The following ZMYND8 variants were observed in gnomAD, a reference collection of about 807,000 sequenced individuals.
ZMYND8 encodes MYND-type zinc finger-containing chromatin reader ZMYND8.
A neutral mutation model predicts 140.8 loss-of-function variants in ZMYND8; 37 were observed. The observed-to-expected ratio is 0.26, with a 90% confidence interval of 0.20 to 0.35. The LOEUF is 0.35. Ranked by LOEUF, ZMYND8 falls within the 10% of genes least tolerant of loss-of-function variation. ZMYND8 has a pLI of 1.00. For missense variants in ZMYND8, 1,068 were observed against 1,570.0 expected (o/e 0.68, Z 5.40); for synonymous variants, 592 against 597.1 (o/e 0.99, Z 0.12).
chr20:47,341,146 G>C (rs2081842555), intron 2 of ZMYND8, among the ~76,000 whole-genome samples: 1 of 152,192 alleles, frequency 6.6e-6, no homozygotes, highest in Non-Finnish European at 1.5e-5. Context: ...GGTCAAACGA[G>C]AGAATGAACT....
At position 47,221,493 on chromosome 20, in the gene ZMYND8, G is replaced by A. The variant is rs2036932325; in HGVS notation, c.3257-19C>T. 2.5e-6 allele frequency: 4 copies of A among 1,612,402 alleles called. No individual in the cohort carries two copies. Among genetic ancestry groups the A allele is most frequent in the Non-Finnish European group, 3.4e-6 (4 of 1,179,558 alleles). On this transcript the variant is annotated intron_variant, in intron 19 of 22. Coordinates refer to ENST00000471951, the MANE Select transcript of ZMYND8 (RefSeq NM_001281775.3). ...GCAGTAGCTGGGGACAAAGGAGAGA[G>A]AGAGACGCCACATATACACAGAGTA...
chr20:47,349,823 G>C lies in ZMYND8; in HGVS notation c.15-1897C>G, dbSNP rs1375687236. The C allele has an allele frequency of 2.6e-6, 4 of 1,532,508 alleles. No individual in the cohort carries two copies. In the South Asian group the frequency reaches 4.8e-5, roughly 18 times the overall value. 94.9% of individuals were successfully genotyped at this position (1,532,508 alleles called of 1,614,324 possible). On this transcript the variant is annotated intron_variant, in intron 1 of 22. Coordinates refer to ENST00000471951, the MANE Select transcript of ZMYND8 (RefSeq NM_001281775.3). ...TCCAACTGAAATCTACAGTGGTGAG[G>C]GAAACAATTATGCAGAACTGAGCCA...
At chr20:47,332,808 T>C (rs944556677) in intron 2 of ZMYND8, among the ~76,000 whole-genome samples, 1 of 152,294 alleles carries the variant, frequency 6.6e-6, no homozygotes, top group East Asian at 1.9e-4. Context: ...CCTAAATCTA[T>C]ACCCAAGAGA....
intron 4 of ZMYND8, among the ~76,000 whole-genome samples, chr20:47,296,263 C>A (rs544725367): frequency 1.3e-5 from 2 of 152,290 alleles, no homozygotes; most frequent in South Asian, 2.1e-4. Context: ...TCTCACCCCC[C>A]ACTCCTTCTT....
rs1008294312 is a variant in ZMYND8 at position 47,276,442 on chromosome 20, C to A, written c.1352G>T (p.Arg451Leu). 1 of 1,614,132 alleles carries A rather than the reference C, an allele frequency of 6.2e-7. No individual in the cohort carries two copies. The highest frequency in any genetic ancestry group is 8.5e-7 in the Non-Finnish European group (1 of 1,180,008). The change falls in exon 11 of 23, where the codon CGC becomes CTC. Residue 451 changes from arginine to leucine, a missense_variant. Around this residue, in one of 10 missense-constraint regions of ZMYND8, gnomAD observed 173 missense variants for 223.3 expected, o/e 0.77. Coordinates refer to ENST00000471951, the MANE Select transcript of ZMYND8 (RefSeq NM_001281775.3). ...AGAAGAGTTTGTGCTCATGGGGGAG[C>A]GCGGCATATCCGACAAGGAAATCCG... is the stretch of plus-strand genomic sequence containing the variant. ...GRRISLSDMP[R>L]SPMSTNSSVH... is the part of the protein sequence containing the mutation.
chr20:47,224,309 G>T lies in ZMYND8; in HGVS notation c.3256+8C>A, dbSNP rs572946200. 6.2e-7 allele frequency: 1 copy of T among 1,614,012 alleles called. No homozygotes were observed. Reference sequence around the variant, plus strand: ...CCCAGGACGGGAGGCAGCCCCACAGGGCATTACCTGACTGGGTGCAGGACT... The same window carrying T: ...CCCAGGACGGGAGGCAGCCCCACAGTGCATTACCTGACTGGGTGCAGGACT... On this transcript the variant is annotated splice_region_variant and intron_variant, in intron 19 of 22. Coordinates refer to ENST00000471951, the MANE Select transcript of ZMYND8 (RefSeq NM_001281775.3).
intron 1 of ZMYND8, chr20:47,352,383 G>A: frequency 1.1e-6 from 1 of 907,752 alleles, no homozygotes; most frequent in South Asian, 5.1e-5. Context: ...CTCTGAAGCA[G>A]CCAGTCCTAA....
intron 11 of ZMYND8, among the ~76,000 whole-genome samples, chr20:47,267,656 G>T (rs539335933): frequency 8.5e-5 from 13 of 152,230 alleles, no homozygotes; most frequent in African/African-American, 1.2e-4. Flanking sequence ...TGAAATGAGG[G>T]CATATTGCTC....
intron 6 of ZMYND8, 46 bp from the exon 7 acceptor site, chr20:47,290,320 G>C (rs1308854488): frequency 6.4e-7 from 1 of 1,553,462 alleles, no homozygotes; most frequent in East Asian, 2.3e-5. Flanking sequence ...GTCTAGACAA[G>C]CCACAGTCAG....
intron 22 of ZMYND8, 103 bp from the exon 23 acceptor site, chr20:47,211,000 C>T: frequency 6.7e-7 from 1 of 1,491,326 alleles, no homozygotes; most frequent in Non-Finnish European, 9.1e-7. Flanking sequence ...ACCACCTTCC[C>T]CTCCCAATTG....
At chr20:47,216,486 ACT>A (rs1290297932) in intron 21 of ZMYND8, among the ~76,000 whole-genome samples, 2 of 100,490 alleles carry the variant, frequency 2.0e-5, no homozygotes, top group Non-Finnish European at 3.7e-5. Flanking sequence ...CAGAGCGAAG[ACT>A]CTGTCTCAAA....
At chr20:47,245,034 G>A (rs2040396019) in intron 14 of ZMYND8, among the ~76,000 whole-genome samples, 1 of 152,054 alleles carries the variant, frequency 6.6e-6, no homozygotes, top group African/African-American at 2.4e-5. Context: ...TCCAGCCTGG[G>A]CGACAAGAGC....
At chr20:47,319,796 A>G (rs2079757795) in intron 2 of ZMYND8, 1 of 152,268 alleles carries the variant, frequency 6.6e-6, no homozygotes, top group Non-Finnish European at 1.5e-5. Context: ...AAGAATGCCA[A>G]GTTCTTTCCA....
chr20:47,236,548 G>A (rs374871513), intron 15 of ZMYND8, 32 bp from the exon 16 acceptor site: 67 of 1,522,846 alleles, frequency 4.4e-5, no homozygotes, highest in African/African-American at 3.5e-4. Context: ...ATTACCCCAC[G>A]TGGGAAGGAC....
chr20:47,277,009 G>A (rs948032916), intron 10 of ZMYND8, among the ~76,000 whole-genome samples: 2 of 151,346 alleles, frequency 1.3e-5, no homozygotes, highest in African/African-American at 2.4e-5. Context: ...AAACTTCGGC[G>A]AAAACATTTA....
At chr20:47,233,552 T>A (rs2038830183) in intron 16 of ZMYND8, among the ~76,000 whole-genome samples, 1 of 152,144 alleles carries the variant, frequency 6.6e-6, no homozygotes, top group South Asian at 2.1e-4. Context: ...GTGGCAACAG[T>A]TTGTGGACCA....
At chr20:47,321,850 G>A (rs1420983780) in intron 2 of ZMYND8, among the ~76,000 whole-genome samples, 5 of 147,640 alleles carry the variant, frequency 3.4e-5, no homozygotes, top group African/African-American at 5.1e-5. Flanking sequence ...TTTAAAACTC[G>A]CCGCCCTTTT....
intron 11 of ZMYND8, among the ~76,000 whole-genome samples, chr20:47,267,716 A>G (rs2075635927): frequency 6.6e-6 from 1 of 152,102 alleles, no homozygotes; most frequent in South Asian, 2.1e-4. Flanking sequence ...ATAAAATCCA[A>G]CGTCCTCTCC....
At chr20:47,252,905 C>A (rs1184647443) in intron 12 of ZMYND8, among the ~76,000 whole-genome samples, 1 of 151,960 alleles carries the variant, frequency 6.6e-6, no homozygotes, top group Non-Finnish European at 1.5e-5. Context: ...GGCAAAAGAG[C>A]CAGACCTTAT....
Sources: gnomAD v4.1 joint callset for allele counts (sites outside exome capture counted in the v4.1 genomes callset) on GRCh38, gnomAD v4.1.1 for gene constraint, gnomAD v4.1.1 regional missense constraint, MANE v1.5 for transcripts, NCBI Gene and HGNC (gene_info 2026-07-23, HGNC 2026-07-21) for gene names.